The following TMEM163 variants were observed in gnomAD, a reference collection of about 807,000 sequenced individuals.
TMEM163 encodes transmembrane protein 163.
Under a neutral mutation model 29.3 loss-of-function variants are expected in TMEM163, and 17 were observed. The observed-to-expected ratio is 0.58, with a 90% CI of 0.40 to 0.87. The LOEUF (loss-of-function observed/expected upper bound fraction) is 0.87, where lower values mean the gene tolerates loss of function less well. Among genes scored for constraint, TMEM163 ranks in the 40% least tolerant of loss-of-function variants. TMEM163 has a pLI of 0.00. For synonymous variants in TMEM163, 157 were observed against 160.6 expected (o/e 0.98, Z 0.17); for missense variants, 303 against 381.5 (o/e 0.79, Z 1.71).
chr2:134,674,502 CGCGCGCGCT>C (rs1684066688), intron 2 of TMEM163, among the ~76,000 whole-genome samples: 4 of 84,864 alleles, frequency 4.7e-5, no homozygotes, highest in Non-Finnish European at 1.0e-4. Flanking sequence ...CGCGCGCGCG[CGCGCGCGCT>C]ACCATATCTG....
At chr2:134,546,512 C>T (rs925135479) in intron 4 of TMEM163, among the ~76,000 whole-genome samples, 8 of 152,196 alleles carry the variant, frequency 5.3e-5, no homozygotes, top group East Asian at 3.9e-4. Flanking sequence ...GGCCCCATGG[C>T]GGACGCCTGT....
chr2:134,540,390 C>T (rs188503801), intron 4 of TMEM163, among the ~76,000 whole-genome samples: 21 of 152,346 alleles, frequency 1.4e-4, no homozygotes, highest in African/African-American at 5.0e-4. Flanking sequence ...CAGCCATTTC[C>T]CCACCTTGCA....
chr2:134,455,856 T>A lies in TMEM163; in HGVS notation c.*860A>T, dbSNP rs1266544708. On this transcript the variant is annotated 3_prime_UTR_variant, in exon 8 of 8. Transcript: ENST00000281924. ...CAGAACGGTGCGGGTTGGGGAACAC[T>A]CTACAGAATCTAAACCTACCGTGAC... 6.6e-6 allele frequency: 1 copy of A among 152,494 alleles called. No individual in the cohort carries two copies. The highest frequency in any genetic ancestry group is 2.4e-5 in the African/African-American group (1 of 41,450). The allele number at this position is 152,494 out of a possible 1,614,324, so 9.4% of individuals were successfully genotyped here.
chr2:134,477,247 T>G (rs1044972017), intron 5 of TMEM163, among the ~76,000 whole-genome samples: 1 of 152,210 alleles, frequency 6.6e-6, no homozygotes, highest in Admixed American at 6.5e-5. Context: ...TCTAGGGAGA[T>G]AGACATAAAT....
Position 134,458,013 on chromosome 2 carries a change from G to A in TMEM163, c.809+19C>T. On this transcript the variant is annotated intron_variant, in intron 7 of 7. Coordinates refer to ENST00000281924, the MANE Select transcript of TMEM163 (RefSeq NM_030923.5). The stretch of plus-strand genomic sequence containing the variant: ...CTCCTAGCTGCCAGGAAAGCAAACA[G>A]GAAAGCACAAGAACCTACTTGACCC... 6.2e-7 allele frequency: 1 copy of A among 1,614,020 alleles called. No homozygotes were observed. Among genetic ancestry groups the A allele is most frequent in the South Asian group, 1.1e-5 (1 of 91,066 alleles).
chr2:134,639,359 C>T (rs149291620), intron 2 of TMEM163, among the ~76,000 whole-genome samples: 21 of 152,302 alleles, frequency 1.4e-4, no homozygotes, highest in African/African-American at 4.8e-4. Flanking sequence ...GACAACTGGT[C>T]CCAAGTGCCT....
chr2:134,528,816 T>C (rs1324777330), intron 4 of TMEM163, among the ~76,000 whole-genome samples: 1 of 152,210 alleles, frequency 6.6e-6, no homozygotes, highest in African/African-American at 2.4e-5. Flanking sequence ...GACACAAGAT[T>C]GTATAAAGCC....
chr2:134,508,157 T>A (rs1679868217), intron 4 of TMEM163, among the ~76,000 whole-genome samples: 1 of 152,208 alleles, frequency 6.6e-6, no homozygotes, highest in African/African-American at 2.4e-5. Context: ...GTGGCTCACA[T>A]TAAAATTGCC....
chr2:134,635,990 G>A (rs1439740104), intron 2 of TMEM163, among the ~76,000 whole-genome samples: 1 of 152,140 alleles, frequency 6.6e-6, no homozygotes, highest in Non-Finnish European at 1.5e-5. Context: ...AAGGTATATG[G>A]CTGCTAGCTG....
intron 2 of TMEM163, among the ~76,000 whole-genome samples, chr2:134,602,501 C>T (rs1422932943): frequency 1.3e-5 from 2 of 152,126 alleles, no homozygotes; most frequent in African/African-American, 4.8e-5. Flanking sequence ...GTGAGTGAGA[C>T]ACTCTGACTT....
chr2:134,615,042 T>C (rs974548321), intron 2 of TMEM163, among the ~76,000 whole-genome samples: 2 of 151,934 alleles, frequency 1.3e-5, no homozygotes, highest in African/African-American at 4.8e-5. Context: ...AACATTAACA[T>C]AGACACACAC....
intron 2 of TMEM163, among the ~76,000 whole-genome samples, chr2:134,599,982 G>A (rs1317262892): frequency 6.6e-6 from 1 of 152,048 alleles, no homozygotes; most frequent in Non-Finnish European, 1.5e-5. Context: ...CCTCATAATA[G>A]AAAGTGTTAC....
At chr2:134,494,100 C>A (rs999900527) in intron 5 of TMEM163, among the ~76,000 whole-genome samples, 12 of 152,160 alleles carry the variant, frequency 7.9e-5, no homozygotes, top group Non-Finnish European at 1.6e-4. Flanking sequence ...CCAACCCCCG[C>A]CACACACACA....
intron 4 of TMEM163, among the ~76,000 whole-genome samples, chr2:134,528,627 A>C (rs1020336390): frequency 2.0e-5 from 3 of 152,240 alleles, no homozygotes; most frequent in African/African-American, 7.2e-5. Flanking sequence ...CCATTTGAAA[A>C]GTGAAAAAAA....
chr2:134,703,838 T>C (rs947966257), intron 2 of TMEM163, among the ~76,000 whole-genome samples: 4 of 144,250 alleles, frequency 2.8e-5, no homozygotes, highest in Non-Finnish European at 6.0e-5. Context: ...TACATCCATG[T>C]TAGAAAGTAA....
At chr2:134,519,645 G>A (rs1574201067) in intron 4 of TMEM163, among the ~76,000 whole-genome samples, 1 of 152,002 alleles carries the variant, frequency 6.6e-6, no homozygotes, top group African/African-American at 2.4e-5. Context: ...CCAGGAGGCA[G>A]AGCTTGCAGT....
chr2:134,545,988 T>C (rs931366336), intron 4 of TMEM163, among the ~76,000 whole-genome samples: 25 of 152,166 alleles, frequency 1.6e-4, no homozygotes, highest in African/African-American at 5.8e-4. Flanking sequence ...TGCCCCTCCT[T>C]CTATATTACC....
At chr2:134,538,948 T>C (rs1381235622) in intron 4 of TMEM163, among the ~76,000 whole-genome samples, 1 of 152,168 alleles carries the variant, frequency 6.6e-6, no homozygotes, top group Non-Finnish European at 1.5e-5. Context: ...CTAAAAGCCA[T>C]TGAACCGTAC....
At chr2:134,534,952 A>AGC (rs1680500011) in intron 4 of TMEM163, among the ~76,000 whole-genome samples, 1 of 152,096 alleles carries the variant, frequency 6.6e-6, no homozygotes, top group African/African-American at 2.4e-5. Context: ...GGGTAAGGGG[A>AGC]GCACTGAGAT....
Sources: allele counts gnomAD v4.1 joint callset (sites outside exome capture counted in the v4.1 genomes callset), GRCh38; gene constraint gnomAD v4.1.1; transcripts MANE v1.5; gene names NCBI Gene and HGNC (gene_info 2026-07-23, HGNC 2026-07-21).